DYM: variants seen among roughly 807,000 people sequenced by gnomAD.
DYM encodes dyggve-Melchior-Clausen syndrome protein.
A neutral mutation model predicts 93.1 loss-of-function variants in DYM; 78 were observed. The ratio of observed to expected loss-of-function variants is 0.84; its 90% CI spans 0.70 to 1.01. DYM has a LOEUF of 1.01. Ranked by LOEUF, DYM falls within the 50% of genes least tolerant of loss-of-function variation. The probability of loss-of-function intolerance (pLI) is 0.00; values close to 1 mark genes in which losing one functional copy is unlikely to be tolerated. For missense variants in DYM, 789 were observed against 845.0 expected, an observed-to-expected ratio of 0.93 and a Z score of 0.82; for synonymous variants, 321 against 319.7, an observed-to-expected ratio of 1.00 and a Z score of -0.04.
chr18:49,225,244 T>C (rs921772488), intron 13 of DYM, among the ~76,000 whole-genome samples: 3 of 152,076 alleles, frequency 2.0e-5, no homozygotes, highest in African/African-American at 4.8e-5. Flanking sequence ...TTTTACACAG[T>C]ATAAAACTTA....
At chr18:49,236,602 T>C (rs1049885345) in intron 13 of DYM, among the ~76,000 whole-genome samples, 5 of 152,062 alleles carry the variant, frequency 3.3e-5, no homozygotes, top group African/African-American at 1.2e-4. Context: ...AAAGAAGAAA[T>C]TGCTTTATAA....
intron 15 of DYM, among the ~76,000 whole-genome samples, chr18:49,156,333 G>T (rs1315849767): frequency 1.3e-5 from 2 of 152,020 alleles, no homozygotes; most frequent in African/African-American, 4.8e-5. Context: ...TATCCTGTGG[G>T]AACTTGGAAT....
chr18:49,090,701 C>A (rs1368083680), intron 17 of DYM, among the ~76,000 whole-genome samples: 1 of 152,102 alleles, frequency 6.6e-6, no homozygotes, highest in African/African-American at 2.4e-5. Context: ...ATGCTCTTCA[C>A]CCTCTGAGAA....
intron 14 of DYM, among the ~76,000 whole-genome samples, chr18:49,171,334 C>T (rs1377504601): frequency 1.3e-5 from 2 of 152,130 alleles, no homozygotes; most frequent in African/African-American, 4.8e-5. Context: ...CCAATCCTCA[C>T]AACTCTCAGC....
At chr18:49,277,915 C>A (rs544418008) in intron 10 of DYM, among the ~76,000 whole-genome samples, 56 of 152,292 alleles carry the variant, frequency 3.7e-4, no homozygotes, top group African/African-American at 1.3e-3. Context: ...TGCAGCAATG[C>A]AGTCAAATAA....
intron 17 of DYM, among the ~76,000 whole-genome samples, chr18:49,049,465 C>G (rs911240403): frequency 8.5e-5 from 13 of 152,218 alleles, no homozygotes; most frequent in African/African-American, 2.9e-4. Context: ...GGACTAGTCT[C>G]ACATCCTTGC....
chr18:49,163,618 A>T, intron 15 of DYM, 67 bp downstream of exon 15: 1 of 1,024,530 alleles, frequency 9.8e-7, no homozygotes, highest in Non-Finnish European at 1.5e-6. Context: ...TGCTGGGATT[A>T]CAGGCAGGAG....
At chr18:49,191,892 A>T (rs1303864058) in intron 14 of DYM, among the ~76,000 whole-genome samples, 1 of 152,096 alleles carries the variant, frequency 6.6e-6, no homozygotes, top group Non-Finnish European at 1.5e-5. Flanking sequence ...TGGGGGCCAG[A>T]ATGTTTGGAT....
intron 1 of DYM, among the ~76,000 whole-genome samples, chr18:49,456,670 AAAC>A (rs2083009132): frequency 1.3e-5 from 2 of 152,250 alleles, no homozygotes; most frequent in South Asian, 4.1e-4. Flanking sequence ...GAAATGAAAA[AAAC>A]AAAAACTTTT....
rs869086187 is a variant in DYM at position 49,392,681 on chromosome 18, T to TA, written c.141-1037dup. ...CACACCCATTGGGATGGCTTTTATT[T>TA]AAAAAAAAAAAAAAAAAAAAAAAAA... On this transcript the variant is annotated intron_variant, in intron 2 of 17. Coordinates refer to ENST00000675505, the MANE Select transcript of DYM (RefSeq NM_001353214.3). 1.6e-3 allele frequency among the ~76,000 whole-genome samples: 109 copies of TA among 68,502 alleles called. 6 individuals carry two copies. Among genetic ancestry groups the TA allele is most frequent in the African/African-American group, 3.4e-3 (51 of 15,050 alleles). 44.9% of individuals were successfully genotyped at this position (68,502 alleles called of 152,430 possible). A position where few individuals can be genotyped will look rare whatever the true frequency, so the allele number is the denominator to read the frequency against.
intron 8 of DYM, among the ~76,000 whole-genome samples, chr18:49,318,367 C>G (rs904673908): frequency 6.6e-6 from 1 of 152,208 alleles, no homozygotes; most frequent in Non-Finnish European, 1.5e-5. Flanking sequence ...CGCCTGTAAT[C>G]CCAGCACTTT....
At chr18:49,358,309 G>C (rs924000946) in intron 6 of DYM, among the ~76,000 whole-genome samples, 5 of 152,178 alleles carry the variant, frequency 3.3e-5, no homozygotes, top group Non-Finnish European at 7.3e-5. Context: ...AAGGTGGTCA[G>C]AACGTGAGCC....
chr18:49,212,624 T>C (rs1467680883), intron 13 of DYM, among the ~76,000 whole-genome samples: 2 of 152,050 alleles, frequency 1.3e-5, no homozygotes, highest in Non-Finnish European at 1.5e-5. Context: ...GCCTCCCAAA[T>C]AGCTGGAACC....
chr18:49,094,484 G>A (rs766945484), intron 17 of DYM, among the ~76,000 whole-genome samples: 1 of 152,110 alleles, frequency 6.6e-6, no homozygotes, highest in Non-Finnish European at 1.5e-5. Context: ...TTAAGCAGGA[G>A]GCTCCGGAAA....
chr18:49,436,894 G>C (rs2080907487), intron 1 of DYM, among the ~76,000 whole-genome samples: 1 of 151,990 alleles, frequency 6.6e-6, no homozygotes, highest in East Asian at 1.9e-4. Flanking sequence ...TACTTTTTTT[G>C]TGTGGTAACT....
chr18:49,425,616 A>C (rs2074203252), intron 2 of DYM, among the ~76,000 whole-genome samples: 1 of 152,166 alleles, frequency 6.6e-6, no homozygotes, highest in Non-Finnish European at 1.5e-5. Flanking sequence ...CAACCTACAG[A>C]ATGGGAGAAA....
At chr18:49,217,197 T>C (rs983838393) in intron 13 of DYM, among the ~76,000 whole-genome samples, 6 of 151,838 alleles carry the variant, frequency 4.0e-5, no homozygotes, top group East Asian at 1.9e-4. Flanking sequence ...GAAGGGAAGT[T>C]TAGAGAAAAA....
At chr18:49,108,438 A>T (rs2081076234) in intron 16 of DYM, among the ~76,000 whole-genome samples, 1 of 152,220 alleles carries the variant, frequency 6.6e-6, no homozygotes, top group South Asian at 2.1e-4. Flanking sequence ...GGCACTCCCC[A>T]ATGAGATGAA....
chr18:49,226,615 T>A (rs556652984), intron 13 of DYM, among the ~76,000 whole-genome samples: 1 of 152,322 alleles, frequency 6.6e-6, no homozygotes, highest in Non-Finnish European at 1.5e-5. Context: ...TTGTGATGAA[T>A]ATAGAGTTAG....
Sources: allele counts gnomAD v4.1 joint callset (sites outside exome capture counted in the v4.1 genomes callset), GRCh38; gene constraint gnomAD v4.1.1; transcripts MANE v1.5; gene names NCBI Gene and HGNC (gene_info 2026-07-23, HGNC 2026-07-21).